TANC2: variants seen among roughly 807,000 people sequenced by gnomAD.
TANC2 encodes the protein tetratricopeptide repeat, ankyrin repeat and coiled-coil containing 2, also known as protein TANC2.
TANC2 carries 26 observed loss-of-function variants against 210.5 expected under a neutral mutation model. The observed-to-expected ratio is 0.12, with a 90% CI of 0.09 to 0.17. The LOEUF (loss-of-function observed/expected upper bound fraction) is 0.17, where lower values mean the gene tolerates loss of function less well. Among genes scored for constraint, TANC2 ranks in the 10% least tolerant of loss-of-function variants. The probability of loss-of-function intolerance (pLI) is 1.00; values close to 1 mark genes in which losing one functional copy is unlikely to be tolerated. For missense variants in TANC2, 2,129 were observed against 2,608.9 expected (o/e 0.82, Z 4.01); for synonymous variants, 931 against 967.1 (o/e 0.96, Z 0.69).
At chr17:63,373,884 G>A (rs969999355) in intron 14 of TANC2, among the ~76,000 whole-genome samples, 3 of 152,022 alleles carry the variant, frequency 2.0e-5, no homozygotes, top group East Asian at 1.9e-4. Context: ...GGGAGGCTGA[G>A]GCAGGAGAAT....
chr17:63,402,471 C>T (rs2048372978), intron 19 of TANC2, among the ~76,000 whole-genome samples: 1 of 152,042 alleles, frequency 6.6e-6, no homozygotes, highest in Non-Finnish European at 1.5e-5. Context: ...TTTATTTCTC[C>T]CCAGCCACTT....
intron 4 of TANC2, among the ~76,000 whole-genome samples, chr17:63,141,329 G>A (rs966227767): frequency 7.7e-6 from 1 of 130,434 alleles, no homozygotes; most frequent in African/African-American, 2.8e-5. Flanking sequence ...ATCACTTGAG[G>A]TCAGGAGTTC....
chr17:63,247,108 T>G (rs1276208950), intron 8 of TANC2, among the ~76,000 whole-genome samples: 1 of 152,138 alleles, frequency 6.6e-6, no homozygotes, highest in Non-Finnish European at 1.5e-5. Context: ...CTATTCAAAC[T>G]TTAGCACATT....
chr17:62,993,671 A>G (rs2032974975), intron 1 of TANC2, among the ~76,000 whole-genome samples: 1 of 152,200 alleles, frequency 6.6e-6, no homozygotes, highest in African/African-American at 2.4e-5. Flanking sequence ...TCATGCCTGT[A>G]ATCCCAGGAA....
chr17:63,321,711 C>A (rs1305580054), intron 11 of TANC2, among the ~76,000 whole-genome samples: 1 of 152,082 alleles, frequency 6.6e-6, no homozygotes, highest in East Asian at 1.9e-4. Context: ...TATTTAAGCC[C>A]CTTGTTTTCA....
intron 25 of TANC2, 26 bp downstream of exon 25, chr17:63,413,660 C>G (rs769289401): frequency 1.6e-4 from 245 of 1,554,600 alleles, no homozygotes; most frequent in Non-Finnish European, 1.9e-4. Context: ...GACACAGTTT[C>G]TTCAGAACAG....
In TANC2 at chr17:63,163,848, T is replaced by C. The variant is rs182133987; in HGVS notation, c.433+12468T>C. ...GATATCTGTCTTAAATCAGTAAATA[T>C]AGTCCAAGATAGTAACTGGGTATAG... On this transcript the variant is annotated intron_variant, in intron 5 of 27. Coordinates refer to ENST00000689528, the Ensembl canonical transcript of TANC2. Among the ~76,000 whole-genome samples the C allele has an allele frequency of 1.2e-4, 18 of 152,338 alleles. No individual in the cohort carries two copies. In the East Asian group the frequency reaches 3.5e-3, roughly 29 times the overall value.
exon 13 of TANC2, chr17:63,351,301 A>C (rs1403928856): frequency 6.2e-7 from 1 of 1,610,364 alleles, no homozygotes; most frequent in Non-Finnish European, 8.5e-7. Flanking sequence ...GGATTAAATG[A>C]AGCAGAATTT....
intron 4 of TANC2, among the ~76,000 whole-genome samples, chr17:63,132,497 C>G (rs1178744113): frequency 6.6e-6 from 1 of 152,200 alleles, no homozygotes; most frequent in Non-Finnish European, 1.5e-5. Context: ...GCTTCTACCC[C>G]TAAATCAAAG....
intron 2 of TANC2, among the ~76,000 whole-genome samples, chr17:63,051,281 A>G (rs981857476): frequency 1.3e-5 from 2 of 152,068 alleles, no homozygotes; most frequent in African/African-American, 2.4e-5. Context: ...AACTCTTTAG[A>G]TTTCTCTAAG....
intron 2 of TANC2, among the ~76,000 whole-genome samples, chr17:63,071,091 G>A (rs561017801): frequency 6.6e-6 from 1 of 152,070 alleles, no homozygotes; most frequent in Non-Finnish European, 1.5e-5. Context: ...CACACTGTAA[G>A]CATTTAGAAA....
intron 9 of TANC2, among the ~76,000 whole-genome samples, chr17:63,311,791 C>G (rs1191938609): frequency 6.6e-6 from 1 of 152,080 alleles, no homozygotes; most frequent in African/African-American, 2.4e-5. Context: ...TATTATTCAG[C>G]AATAAAGTAA....
chr17:63,104,758 G>T (rs1159813618), intron 4 of TANC2, among the ~76,000 whole-genome samples: 1 of 151,882 alleles, frequency 6.6e-6, no homozygotes. Flanking sequence ...CATAAGTTGT[G>T]CTGTATAGCT....
chr17:63,340,648 C>T (rs1200745570), intron 12 of TANC2, among the ~76,000 whole-genome samples: 1 of 152,068 alleles, frequency 6.6e-6, no homozygotes. Context: ...TTTGTGGCTC[C>T]AACGCAGTGT....
intron 1 of TANC2, among the ~76,000 whole-genome samples, chr17:62,998,109 A>G (rs576568291): frequency 2.2e-4 from 33 of 152,346 alleles, no homozygotes; most frequent in African/African-American, 7.0e-4. Flanking sequence ...ACTCACTTCA[A>G]TAATTTCATA....
intron 9 of TANC2, among the ~76,000 whole-genome samples, chr17:63,289,682 T>C (rs2044327805): frequency 6.6e-6 from 1 of 152,220 alleles, no homozygotes; most frequent in Admixed American, 6.5e-5. Flanking sequence ...ATCTCTGCCA[T>C]GTCTGGTTCT....
rs149518858 is a variant in TANC2, at chr17:63,372,369, T to A, written c.2583-7349T>A. ...TGGCTGCAAAGGTAGTAGGGTACAG[T>A]GTGGAAGGGTAAGGATCAGGGTTAA... On this transcript the variant is annotated intron_variant, in intron 14 of 27. Transcript: ENST00000689528. Among the ~76,000 whole-genome samples, 618 of 152,220 alleles carry A rather than the reference T, an allele frequency of 4.1e-3. 5 individuals carry two copies. The highest frequency in any genetic ancestry group is 0.014 in the African/African-American group (599 of 41,518).
At chr17:63,153,839 C>G (rs965491487) in intron 5 of TANC2, 2 of 152,018 alleles carry the variant, frequency 1.3e-5, no homozygotes, top group African/African-American at 4.8e-5. Flanking sequence ...CTTGGTATGT[C>G]TTTTTGTACC....
chr17:63,252,012 G>A (rs2043065719), intron 8 of TANC2, among the ~76,000 whole-genome samples: 2 of 152,106 alleles, frequency 1.3e-5, no homozygotes, highest in Non-Finnish European at 2.9e-5. Flanking sequence ...CAAACCACCA[G>A]CTTTTATTTA....
Sources: allele counts gnomAD v4.1 joint callset (sites outside exome capture counted in the v4.1 genomes callset), GRCh38; gene constraint gnomAD v4.1.1; transcripts MANE v1.5; gene names NCBI Gene and HGNC (gene_info 2026-07-23, HGNC 2026-07-21).